Variants in AUTS2 observed in about 807,000 individuals in gnomAD.
The protein encoded by AUTS2 is activator of transcription and developmental regulator AUTS2.
In AUTS2, 17 loss-of-function variants were observed where a neutral mutation model predicts 112.4. The ratio of observed to expected loss-of-function variants is 0.15; its 90% CI spans 0.10 to 0.23. The LOEUF (loss-of-function observed/expected upper bound fraction) is 0.23. Ranked by LOEUF, AUTS2 falls within the 10% of genes least tolerant of loss-of-function variation. The pLI is 1.00. For synonymous variants in AUTS2, 751 were observed against 702.7 expected (o/e 1.07, Z -1.09); for missense variants, 1,510 against 1,701.6 (o/e 0.89, Z 1.98).
intron 5 of AUTS2, among the ~76,000 whole-genome samples, chr7:70,633,383 C>T (rs1463811058): frequency 2.0e-5 from 3 of 152,020 alleles, no homozygotes; most frequent in South Asian, 2.1e-4. Flanking sequence ...TTTGGGAAGC[C>T]GAGGTAGGTG....
At chr7:70,138,490 C>T (rs1562730698) in intron 4 of AUTS2, among the ~76,000 whole-genome samples, 2 of 152,194 alleles carry the variant, frequency 1.3e-5, no homozygotes, top group Non-Finnish European at 2.9e-5. Context: ...GTTCTGCCTT[C>T]TCTGGATAAT....
chr7:70,304,717 CTT>C (rs11464532), intron 4 of AUTS2, among the ~76,000 whole-genome samples: 10 of 101,320 alleles, frequency 9.9e-5, no homozygotes, highest in Non-Finnish European at 1.2e-4. Flanking sequence ...GGATTTTTAA[CTT>C]TTTTTTTTTT....
intron 4 of AUTS2, among the ~76,000 whole-genome samples, chr7:70,144,867 C>CT (rs1159223254): frequency 6.6e-6 from 1 of 152,076 alleles, no homozygotes; most frequent in Non-Finnish European, 1.5e-5. Context: ...ACTGTTACAT[C>CT]TTTTTTATCA....
chr7:70,213,586 C>T (rs959302294), intron 4 of AUTS2, among the ~76,000 whole-genome samples: 1 of 150,906 alleles, frequency 6.6e-6, no homozygotes, highest in African/African-American at 2.4e-5. Context: ...CAACTTTGAA[C>T]AGTACTAATG....
chr7:70,077,909 A>G (rs1020385588), intron 2 of AUTS2, among the ~76,000 whole-genome samples: 2 of 152,188 alleles, frequency 1.3e-5, no homozygotes, highest in African/African-American at 4.8e-5. Flanking sequence ...TCTGAATTCT[A>G]CCACCCTGAA....
intron 15 of AUTS2, chr7:70,782,434 G>GAGGT (rs1243019786): frequency 1.3e-5 from 2 of 152,388 alleles, no homozygotes; most frequent in African/African-American, 4.8e-5. Context: ...TGGAAGGGGT[G>GAGGT]AGGTAGAGAG....
intron 1 of AUTS2, among the ~76,000 whole-genome samples, chr7:69,693,564 C>T (rs1345645316): frequency 6.6e-6 from 1 of 152,132 alleles, no homozygotes; most frequent in Non-Finnish European, 1.5e-5. Flanking sequence ...TTTCTTTTAC[C>T]TTTAAGATTC....
chr7:70,501,169 G>A (rs1024258634), intron 5 of AUTS2, among the ~76,000 whole-genome samples: 5 of 152,098 alleles, frequency 3.3e-5, no homozygotes, highest in Non-Finnish European at 5.9e-5. Context: ...TAGTATACTG[G>A]TATATCATTA....
At chr7:70,610,191 G>A (rs537164189) in intron 5 of AUTS2, among the ~76,000 whole-genome samples, 1 of 152,116 alleles carries the variant, frequency 6.6e-6, no homozygotes, top group South Asian at 2.1e-4. Flanking sequence ...TAGAGACAGG[G>A]TTTTGCCATG....
chr7:70,651,843 G>A (rs1269243094), intron 5 of AUTS2, among the ~76,000 whole-genome samples: 1 of 152,082 alleles, frequency 6.6e-6, no homozygotes, highest in Non-Finnish European at 1.5e-5. Flanking sequence ...ACTGGGGCTG[G>A]TCATCTGGAT....
At chr7:70,649,065 C>T (rs1257868269) in intron 5 of AUTS2, among the ~76,000 whole-genome samples, 2 of 152,156 alleles carry the variant, frequency 1.3e-5, no homozygotes, top group Non-Finnish European at 2.9e-5. Flanking sequence ...TATATGTCAA[C>T]CTCAGCTTAC....
chr7:69,905,301 A>G (rs966511854), intron 2 of AUTS2, among the ~76,000 whole-genome samples: 11 of 152,322 alleles, frequency 7.2e-5, no homozygotes, highest in Admixed American at 1.3e-4. Flanking sequence ...GACATAGCAT[A>G]TGTATTAGGA....
intron 13 of AUTS2, chr7:70,776,861 G>A: frequency 1.8e-6 from 1 of 547,492 alleles, no homozygotes; most frequent in Non-Finnish European, 3.3e-6. Context: ...AACCGGGGAG[G>A]CCCTTGTCAA....
chr7:70,524,842 T>G (rs1799777164), intron 5 of AUTS2, among the ~76,000 whole-genome samples: 1 of 152,246 alleles, frequency 6.6e-6, no homozygotes, highest in African/African-American at 2.4e-5. Flanking sequence ...TCCTTGAGGC[T>G]TTCTCCTGTG....
chr7:69,939,977 A>G (rs1796561320), intron 2 of AUTS2, among the ~76,000 whole-genome samples: 1 of 152,210 alleles, frequency 6.6e-6, no homozygotes, highest in Non-Finnish European at 1.5e-5. Flanking sequence ...TAATCATACC[A>G]CCAGGAAGCA....
intron 1 of AUTS2, among the ~76,000 whole-genome samples, chr7:69,688,036 T>A (rs768570681): frequency 2.6e-5 from 4 of 152,252 alleles, no homozygotes. Context: ...ATGCATGTTA[T>A]TTAGCTGATA....
At chr7:70,542,713 G>A (rs1475392680) in intron 5 of AUTS2, among the ~76,000 whole-genome samples, 1 of 152,200 alleles carries the variant, frequency 6.6e-6, no homozygotes, top group Non-Finnish European at 1.5e-5. Context: ...TTCCCATTTA[G>A]CAGATGGGGC....
At chr7:69,992,650 C>T (rs1257796610) in intron 2 of AUTS2, among the ~76,000 whole-genome samples, 1 of 152,142 alleles carries the variant, frequency 6.6e-6, no homozygotes, top group Non-Finnish European at 1.5e-5. Flanking sequence ...TACCAGTCCT[C>T]CAGTGGGAGG....
intron 5 of AUTS2, among the ~76,000 whole-genome samples, chr7:70,525,117 C>G (rs139698065): frequency 7.5e-4 from 114 of 152,310 alleles, no homozygotes; most frequent in African/African-American, 2.3e-3. Context: ...TATAGCTTTC[C>G]TGACAGACAG....
Sources: gnomAD v4.1 joint callset for allele counts (sites outside exome capture counted in the v4.1 genomes callset) on GRCh38, gnomAD v4.1.1 for gene constraint, MANE v1.5 for transcripts, NCBI Gene and HGNC (gene_info 2026-07-23, HGNC 2026-07-21) for gene names.